Variants in CATSPERE observed in about 807,000 individuals in gnomAD.
The protein encoded by CATSPERE is catsper channel auxiliary subunit epsilon.
In CATSPERE, 93 loss-of-function variants were observed where a neutral mutation model predicts 114.1. That is an observed-to-expected ratio of 0.81 (90% CI 0.69 to 0.97). The LOEUF is 0.97. Ranked by LOEUF, CATSPERE falls within the 50% of genes least tolerant of loss-of-function variation. The probability of loss-of-function intolerance (pLI) is 0.00; values close to 1 mark genes in which losing one functional copy is unlikely to be tolerated. For missense variants in CATSPERE, 1,058 were observed against 1,131.6 expected, an observed-to-expected ratio of 0.93 and a Z score of 0.93; for synonymous variants, 341 against 384.1, an observed-to-expected ratio of 0.89 and a Z score of 1.31.
At chr1:244,556,965 A>G (rs1048938468) in intron 9 of CATSPERE, among the ~76,000 whole-genome samples, 2 of 152,130 alleles carry the variant, frequency 1.3e-5, no homozygotes, top group African/African-American at 4.8e-5. Context: ...TCTCCACACC[A>G]CTTATTGAAG....
chr1:244,639,434 C>T (rs894387749), intron 21 of CATSPERE, among the ~76,000 whole-genome samples: 1 of 152,202 alleles, frequency 6.6e-6, no homozygotes, highest in Admixed American at 6.5e-5. Context: ...GCCTGTAATC[C>T]CTTTTGGCAC....
intron 17 of CATSPERE, among the ~76,000 whole-genome samples, chr1:244,602,504 G>A (rs1204187370): frequency 2.0e-5 from 3 of 152,098 alleles, no homozygotes; most frequent in Admixed American, 6.5e-5. Flanking sequence ...TACAAGGCTC[G>A]GCAGAGTTTT....
chr1:244,621,195 T>TTATATAGA (rs1672232077), intron 20 of CATSPERE, among the ~76,000 whole-genome samples: 1 of 12,062 alleles, frequency 8.3e-5, no homozygotes, highest in Non-Finnish European at 1.8e-4. Flanking sequence ...ATAGATATAT[T>TTATATAGA]TATATAGATA....
intron 5 of CATSPERE, among the ~76,000 whole-genome samples, chr1:244,484,493 G>A (rs1670699642): frequency 6.6e-6 from 1 of 152,326 alleles, no homozygotes; most frequent in African/African-American, 2.4e-5. Context: ...GGCTTCAGAT[G>A]AGCGGTCTTA....
chr1:244,512,057 C>T (rs991176289), intron 7 of CATSPERE, among the ~76,000 whole-genome samples: 1 of 152,300 alleles, frequency 6.6e-6, no homozygotes, highest in South Asian at 2.1e-4. Context: ...GATCTTTGAG[C>T]TTCCTGTACC....
intron 9 of CATSPERE, among the ~76,000 whole-genome samples, chr1:244,554,464 A>G (rs1267789865): frequency 6.6e-6 from 1 of 152,184 alleles, no homozygotes; most frequent in Non-Finnish European, 1.5e-5. Context: ...TAGGCGTTAG[A>G]GACCAGCCTG....
At chr1:244,531,235 C>CAAAAAAA in intron 8 of CATSPERE, among the ~76,000 whole-genome samples, 1 of 60,348 alleles carries the variant, frequency 1.7e-5, no homozygotes, top group Non-Finnish European at 4.3e-5. Flanking sequence ...GACTCAGTCT[C>CAAAAAAA]AAAAAAAAAA....
At chr1:244,559,669 C>T (rs1662245465) in intron 9 of CATSPERE, among the ~76,000 whole-genome samples, 1 of 151,990 alleles carries the variant, frequency 6.6e-6, no homozygotes, top group Non-Finnish European at 1.5e-5. Context: ...ATCTGATAAC[C>T]AAGGAATCTA....
At chr1:244,601,025 G>A (rs1457898676) in intron 17 of CATSPERE, among the ~76,000 whole-genome samples, 1 of 152,092 alleles carries the variant, frequency 6.6e-6, no homozygotes, top group African/African-American at 2.4e-5. Context: ...AATGAATAAA[G>A]AGGAAAAATA....
rs184915248 is a variant in CATSPERE at position 244,520,334 on chromosome 1, A to T, written c.536+1636A>T. Among the ~76,000 whole-genome samples, 167 of 152,244 alleles carry T rather than the reference A, an allele frequency of 1.1e-3. 1 individual carries two copies. Among genetic ancestry groups the T allele is most frequent in the African/African-American group, 3.9e-3 (162 of 41,556 alleles). On this transcript the variant is annotated intron_variant, in intron 8 of 21. Transcript: ENST00000366534. Reference sequence around the variant, plus strand: ...GAGTTCATTTTGTGGTAGGGGTCCAAATGGATTCTTTTCTTTCTGGAGATC... The same window carrying T: ...GAGTTCATTTTGTGGTAGGGGTCCATATGGATTCTTTTCTTTCTGGAGATC...
chr1:244,631,865 G>A (rs932202040), intron 20 of CATSPERE, among the ~76,000 whole-genome samples: 7 of 152,236 alleles, frequency 4.6e-5, no homozygotes, highest in African/African-American at 1.7e-4. Context: ...CAAATGGTGT[G>A]GCCACTTTGG....
At chr1:244,565,542 G>A (rs1487863401) in intron 10 of CATSPERE, among the ~76,000 whole-genome samples, 6 of 152,000 alleles carry the variant, frequency 3.9e-5, no homozygotes, top group Non-Finnish European at 7.4e-5. Context: ...GCATGGAGGT[G>A]TTTATTCTCT....
chr1:244,605,393 T>A (rs10803227), intron 17 of CATSPERE, among the ~76,000 whole-genome samples: 1 of 152,170 alleles, frequency 6.6e-6, no homozygotes, highest in Non-Finnish European at 1.5e-5. Flanking sequence ...GTTCCAAATG[T>A]CCAAAAAGTA....
chr1:244,560,618 C>G (rs7522899), intron 9 of CATSPERE, 50 bp from the exon 10 acceptor site: 125,977 of 1,010,372 alleles, frequency 0.12, 12,309 homozygotes, highest in African/African-American at 0.39. Context: ...AATTGTTAGG[C>G]CCGTCTCTAA....
intron 20 of CATSPERE, among the ~76,000 whole-genome samples, chr1:244,621,082 TAAATATATATAAAA>T (rs1672111020): frequency 2.8e-5 from 2 of 71,142 alleles, no homozygotes; most frequent in Non-Finnish European, 5.2e-5. Flanking sequence ...AATATATATA[TAAATATATATAAAA>T]TATATATAAA....
intron 13 of CATSPERE, 74 bp downstream of exon 13, chr1:244,584,013 A>G (rs537024881): frequency 1.3e-4 from 149 of 1,162,150 alleles, no homozygotes; most frequent in African/African-American, 2.0e-4. Flanking sequence ...TAATGCATAC[A>G]ATACCTCCGT....
At chr1:244,511,394 G>A (rs997181546) in intron 7 of CATSPERE, among the ~76,000 whole-genome samples, 2 of 151,628 alleles carry the variant, frequency 1.3e-5, no homozygotes, top group African/African-American at 4.8e-5. Context: ...TAGTTGGATT[G>A]TGTTTTTTTT....
chr1:244,471,779 G>T (rs1668510813), intron 2 of CATSPERE, among the ~76,000 whole-genome samples: 1 of 152,098 alleles, frequency 6.6e-6, no homozygotes, highest in South Asian at 2.1e-4. Flanking sequence ...CCATTCTCTT[G>T]TTGATGGCCA....
At chr1:244,636,309 C>G (rs75408976) in intron 21 of CATSPERE, among the ~76,000 whole-genome samples, 1 of 150,920 alleles carries the variant, frequency 6.6e-6, no homozygotes, top group Non-Finnish European at 1.5e-5. Context: ...GTTTTTTTTG[C>G]GGGGGAGGGG....
Sources: allele counts gnomAD v4.1 joint callset (sites outside exome capture counted in the v4.1 genomes callset), GRCh38; gene constraint gnomAD v4.1.1; transcripts MANE v1.5; gene names NCBI Gene and HGNC (gene_info 2026-07-23, HGNC 2026-07-21).